Variants in EVI5 observed in about 807,000 individuals in gnomAD.
EVI5 encodes the protein ecotropic viral integration site 5 protein homolog.
EVI5 carries 73 observed loss-of-function variants against 112.0 expected under a neutral mutation model. That is an observed-to-expected ratio of 0.65 (90% CI 0.54 to 0.79). EVI5 has a LOEUF of 0.79. Ranked by LOEUF, EVI5 falls within the 30% of genes least tolerant of loss-of-function variation. The probability of loss-of-function intolerance (pLI) is 0.00; values close to 1 mark genes in which losing one functional copy is unlikely to be tolerated. For synonymous variants in EVI5, 305 were observed against 319.9 expected, an observed-to-expected ratio of 0.95 and a Z score of 0.50; for missense variants, 900 against 968.8, an observed-to-expected ratio of 0.93 and a Z score of 0.94.
chr1:92,520,972 T>G lies in EVI5; in HGVS notation c.2167-7002A>C, dbSNP rs184459598. The stretch of plus-strand genomic sequence containing the variant: ...TGAGATTGCTGCTTCTTCTTTTTTT[T>G]TTTTTTTGAGACAGGGTCTCACTCT... On this transcript the variant is annotated intron_variant, in intron 19 of 19. Coordinates refer to ENST00000684568, the MANE Select transcript of EVI5 (RefSeq NM_001350197.2). Among the ~76,000 whole-genome samples, 987 of 151,828 alleles carry G rather than the reference T, an allele frequency of 6.5e-3. 12 individuals carry two copies. The highest frequency in any genetic ancestry group is 0.023 in the African/African-American group (935 of 41,422).
chr1:92,552,522 A>G (rs1667102631), intron 19 of EVI5, among the ~76,000 whole-genome samples: 1 of 152,188 alleles, frequency 6.6e-6, no homozygotes, highest in African/African-American at 2.4e-5. Context: ...TGTCTAGGAC[A>G]ATGTTAGAAA....
At chr1:92,733,139 A>G in intron 2 of EVI5, 1 of 226,654 alleles carries the variant, frequency 4.4e-6, no homozygotes, top group South Asian at 7.8e-5. Flanking sequence ...TATCCTTAGA[A>G]CTTACTTTGG....
In EVI5 at chr1:92,531,994, G is replaced by A. The variant is rs113268685; in HGVS notation, c.2167-18024C>T. 2.8e-3 allele frequency among the ~76,000 whole-genome samples: 423 copies of A among 151,978 alleles called. 1 individual carries two copies. Among genetic ancestry groups the A allele is most frequent in the African/African-American group, 9.1e-3 (377 of 41,468 alleles). ...CCCCAATTAAAAGACACAGACTGGC[G>A]AACTGGAGAGAGGCAAGACCCATCA... On this transcript the variant is annotated intron_variant, in intron 19 of 19. Coordinates refer to ENST00000684568, the MANE Select transcript of EVI5 (RefSeq NM_001350197.2).
intron 9 of EVI5, among the ~76,000 whole-genome samples, chr1:92,687,561 G>C (rs534352454): frequency 3.5e-4 from 54 of 152,282 alleles, no homozygotes; most frequent in African/African-American, 1.3e-3. Context: ...AAACTAAAGA[G>C]CTTCTGCACA....
At chr1:92,653,968 T>G (rs1572130139) in intron 13 of EVI5, among the ~76,000 whole-genome samples, 1 of 152,064 alleles carries the variant, frequency 6.6e-6, no homozygotes, top group Middle Eastern at 3.4e-3. Flanking sequence ...CTGGGGTGGC[T>G]CCCTGCCTCT....
chr1:92,710,097 A>AAAAAAAAAAAT (rs1672619346), intron 2 of EVI5, among the ~76,000 whole-genome samples: 1 of 150,756 alleles, frequency 6.6e-6, no homozygotes, highest in Non-Finnish European at 1.5e-5. Flanking sequence ...AAAAAAAAAA[A>AAAAAAAAAAAT]AAAGGGAGGC....
intron 2 of EVI5, chr1:92,713,907 A>T: frequency 2.2e-6 from 1 of 454,192 alleles, no homozygotes; most frequent in Non-Finnish European, 2.9e-6. Context: ...CCAAAGTTTT[A>T]AACCACGCAA....
At chr1:92,682,792 C>A (rs537243301) in intron 9 of EVI5, among the ~76,000 whole-genome samples, 1 of 152,164 alleles carries the variant, frequency 6.6e-6, no homozygotes, top group East Asian at 1.9e-4. Flanking sequence ...GGTATCATCT[C>A]CTTCAGAGAA....
intron 19 of EVI5, among the ~76,000 whole-genome samples, chr1:92,519,025 G>A (rs1419104293): frequency 6.6e-6 from 1 of 152,124 alleles, no homozygotes; most frequent in East Asian, 1.9e-4. Flanking sequence ...TAAGAGTTAA[G>A]ACCTACAAGG....
chr1:92,623,099 A>G (rs955930093), intron 16 of EVI5, among the ~76,000 whole-genome samples: 1 of 152,146 alleles, frequency 6.6e-6, no homozygotes, highest in Non-Finnish European at 1.5e-5. Context: ...TTTAGTATCT[A>G]TACTAAAATA....
At chr1:92,746,605 A>G (rs1339962509) in intron 1 of EVI5, among the ~76,000 whole-genome samples, 1 of 152,136 alleles carries the variant, frequency 6.6e-6, no homozygotes, top group Non-Finnish European at 1.5e-5. Context: ...GCATGCCTGT[A>G]GTCTCACCTA....
chr1:92,598,777 A>C (rs1158785547), intron 18 of EVI5, among the ~76,000 whole-genome samples: 3 of 152,168 alleles, frequency 2.0e-5, no homozygotes, highest in Non-Finnish European at 2.9e-5. Flanking sequence ...AAAACTAGGT[A>C]ATAGTAACTT....
chr1:92,573,587 A>T (rs181076085), intron 18 of EVI5, among the ~76,000 whole-genome samples: 5 of 152,212 alleles, frequency 3.3e-5, no homozygotes, highest in Admixed American at 3.3e-4. Flanking sequence ...ACATTTCCAG[A>T]GTGAATATAT....
chr1:92,589,380 G>T (rs1394208015), intron 18 of EVI5, among the ~76,000 whole-genome samples: 1 of 152,138 alleles, frequency 6.6e-6, no homozygotes, highest in Non-Finnish European at 1.5e-5. Flanking sequence ...GGAAAGGGGT[G>T]ACAGATGGCA....
intron 19 of EVI5, among the ~76,000 whole-genome samples, chr1:92,521,688 T>C (rs1243799564): frequency 1.4e-5 from 2 of 146,762 alleles, no homozygotes; most frequent in African/African-American, 2.5e-5. Flanking sequence ...TGAGACTCCG[T>C]CTCAAAAAAA....
At chr1:92,544,089 T>C (rs1665278723) in intron 19 of EVI5, among the ~76,000 whole-genome samples, 1 of 152,208 alleles carries the variant, frequency 6.6e-6, no homozygotes, top group South Asian at 2.1e-4. Flanking sequence ...CCACAGGTTC[T>C]ATGATTCCAT....
intron 2 of EVI5, among the ~76,000 whole-genome samples, chr1:92,711,830 A>G (rs1252772742): frequency 6.6e-6 from 1 of 152,228 alleles, no homozygotes; most frequent in Non-Finnish European, 1.5e-5. Flanking sequence ...AGCTTCTATA[A>G]CAAAATATCT....
At chr1:92,534,623 G>A (rs1381029963) in intron 19 of EVI5, among the ~76,000 whole-genome samples, 2 of 151,928 alleles carry the variant, frequency 1.3e-5, no homozygotes, top group African/African-American at 4.8e-5. Flanking sequence ...CAGAAATAAC[G>A]CCACACATGT....
At chr1:92,582,026 G>T (rs189271168) in intron 18 of EVI5, among the ~76,000 whole-genome samples, 1 of 152,284 alleles carries the variant, frequency 6.6e-6, no homozygotes, top group African/African-American at 2.4e-5. Flanking sequence ...GTTGTTAGGG[G>T]ATTTCATCGT....
Sources: gnomAD v4.1 joint callset for allele counts (sites outside exome capture counted in the v4.1 genomes callset) on GRCh38, gnomAD v4.1.1 for gene constraint, MANE v1.5 for transcripts, NCBI Gene and HGNC (gene_info 2026-07-23, HGNC 2026-07-21) for gene names.